CLSTN2: variants seen among roughly 807,000 people sequenced by gnomAD.
CLSTN2 encodes the protein calsyntenin 2.
Under a neutral mutation model 101.2 loss-of-function variants are expected in CLSTN2, and 48 were observed. The ratio of observed to expected loss-of-function variants is 0.47; its 90% CI spans 0.38 to 0.60. The LOEUF is 0.60. CLSTN2 is among the 20% of genes least tolerant of loss of function. The probability of loss-of-function intolerance (pLI) is 0.00; values close to 1 mark genes in which losing one functional copy is unlikely to be tolerated. For synonymous variants in CLSTN2, 481 were observed against 463.6 expected, an observed-to-expected ratio of 1.04 and a Z score of -0.48; for missense variants, 1,160 against 1,238.2, an observed-to-expected ratio of 0.94 and a Z score of 0.95.
intron 6 of CLSTN2, among the ~76,000 whole-genome samples, chr3:140,451,629 C>T (rs555546574): frequency 3.3e-5 from 5 of 152,296 alleles, no homozygotes; most frequent in South Asian, 2.1e-4. Context: ...GATGCAAATC[C>T]GATCCTGGGG....
At position 140,573,854 on chromosome 3, in the gene CLSTN2, C is replaced by G. The variant is rs1985645441; in HGVS notation, c.*7601C>G. ...CCTGTTTCTGGGGAACAGAAGGGAG[C>G]TGGTACCTCTGGACCATTGAGGCAA... is the stretch of plus-strand genomic sequence containing the variant. On this transcript the variant is annotated 3_prime_UTR_variant, in exon 17 of 17. Coordinates refer to ENST00000458420, the MANE Select transcript of CLSTN2 (RefSeq NM_022131.3). 1 of 152,278 alleles carries G rather than the reference C, an allele frequency of 6.6e-6. No homozygotes were observed. The allele number at this position is 152,278 out of a possible 1,614,324, so 9.4% of individuals were successfully genotyped here.
intron 2 of CLSTN2, among the ~76,000 whole-genome samples, chr3:140,184,530 C>G (rs1192971138): frequency 6.6e-6 from 1 of 152,140 alleles, no homozygotes; most frequent in East Asian, 1.9e-4. Flanking sequence ...CATTAGGTCC[C>G]TCCCTTGACC....
chr3:140,108,691 T>C (rs1204073021), intron 1 of CLSTN2, among the ~76,000 whole-genome samples: 3 of 152,176 alleles, frequency 2.0e-5, no homozygotes, highest in Non-Finnish European at 4.4e-5. Context: ...AGATGCAGCT[T>C]GTTTCATCTC....
chr3:140,188,052 C>G (rs907097089), intron 2 of CLSTN2, among the ~76,000 whole-genome samples: 4 of 152,152 alleles, frequency 2.6e-5, no homozygotes, highest in Non-Finnish European at 4.4e-5. Context: ...GTGGAGTGTA[C>G]TTGTCTATTT....
Position 140,546,645 on chromosome 3 carries a change from C to T in CLSTN2, c.1638C>T (p.Asp546=), listed in dbSNP as rs1428699627. 4 of 1,613,512 alleles carry T rather than the reference C, an allele frequency of 2.5e-6. No individual in the cohort carries two copies. Among genetic ancestry groups the T allele is most frequent in the Non-Finnish European group, 3.4e-6 (4 of 1,179,900 alleles). The part of the protein sequence containing the change: ...SCLQACKEGL[D]INSLESLGQG... ...TGCAGGCCTGCAAGGAAGGGCTGGA[C>T]ATTAATTCCTTGGAAAGCCTTGGCC... Residue 546 remains aspartate, a synonymous_variant, in exon 10 of 17, where the codon GAC becomes GAT. Coordinates refer to ENST00000458420, the MANE Select transcript of CLSTN2 (RefSeq NM_022131.3).
intron 1 of CLSTN2, among the ~76,000 whole-genome samples, chr3:140,036,085 C>T (rs1387228446): frequency 1.3e-5 from 2 of 152,318 alleles, no homozygotes; most frequent in East Asian, 3.9e-4. Context: ...TGATTAGAAC[C>T]TGTCTCTTCC....
At chr3:140,231,754 T>C (rs57792648) in intron 2 of CLSTN2, among the ~76,000 whole-genome samples, 3,706 of 152,306 alleles carry the variant, frequency 0.024, 151 homozygotes, top group African/African-American at 0.085. Flanking sequence ...TTTTAGATTG[T>C]TTTTGAATTG....
chr3:140,017,262 C>T (rs1247406222), intron 1 of CLSTN2, among the ~76,000 whole-genome samples: 1 of 152,146 alleles, frequency 6.6e-6, no homozygotes, highest in Non-Finnish European at 1.5e-5. Flanking sequence ...GGCACAGCCT[C>T]CTGTTTCAGC....
chr3:140,312,265 G>A (rs1040567208), intron 2 of CLSTN2, among the ~76,000 whole-genome samples: 1 of 152,208 alleles, frequency 6.6e-6, no homozygotes, highest in South Asian at 2.1e-4. Context: ...AAAACTAAGC[G>A]ACTTCTTCCC....
intron 1 of CLSTN2, among the ~76,000 whole-genome samples, chr3:140,008,015 T>C (rs1047314717): frequency 1.3e-5 from 2 of 152,198 alleles, no homozygotes; most frequent in Non-Finnish European, 2.9e-5. Context: ...CCAACAGTTA[T>C]TGAGTGAAGA....
intron 1 of CLSTN2, among the ~76,000 whole-genome samples, chr3:140,168,750 C>T (rs1334388385): frequency 2.0e-5 from 3 of 152,012 alleles, no homozygotes; most frequent in Non-Finnish European, 4.4e-5. Context: ...ATTTAATAAA[C>T]TATTCTCCTC....
chr3:140,241,706 G>T (rs1467928847), intron 2 of CLSTN2, among the ~76,000 whole-genome samples: 3 of 151,780 alleles, frequency 2.0e-5, no homozygotes, highest in Non-Finnish European at 4.4e-5. Flanking sequence ...AGTCCTTGGA[G>T]TGTTCCTGTG....
At chr3:140,325,770 A>G (rs2087326696) in intron 2 of CLSTN2, among the ~76,000 whole-genome samples, 1 of 152,124 alleles carries the variant, frequency 6.6e-6, no homozygotes, top group African/African-American at 2.4e-5. Context: ...AAAAGTTCTA[A>G]GTTGCTAGCC....
At chr3:140,004,983 G>A (rs891000353) in intron 1 of CLSTN2, among the ~76,000 whole-genome samples, 1 of 152,194 alleles carries the variant, frequency 6.6e-6, no homozygotes, top group African/African-American at 2.4e-5. Context: ...AACAAGTGCT[G>A]TTGCATTAGG....
At chr3:140,254,274 T>C (rs372427955) in intron 2 of CLSTN2, among the ~76,000 whole-genome samples, 1 of 152,294 alleles carries the variant, frequency 6.6e-6, no homozygotes, top group Admixed American at 6.5e-5. Context: ...GTGAGGGGAT[T>C]CTGCACCAGA....
intron 2 of CLSTN2, among the ~76,000 whole-genome samples, chr3:140,364,541 GT>G (rs1009418545): frequency 4.6e-5 from 7 of 152,146 alleles, no homozygotes; most frequent in Non-Finnish European, 8.8e-5. Flanking sequence ...AGGAGCAAGG[GT>G]ACCTATGTCC....
At chr3:140,270,898 A>G (rs555858035) in intron 2 of CLSTN2, among the ~76,000 whole-genome samples, 3 of 152,218 alleles carry the variant, frequency 2.0e-5, no homozygotes, top group East Asian at 1.9e-4. Context: ...CCCTATCATC[A>G]TGCTTCTCCA....
At chr3:140,340,759 G>A (rs943913296) in intron 2 of CLSTN2, among the ~76,000 whole-genome samples, 1 of 152,128 alleles carries the variant, frequency 6.6e-6, no homozygotes, top group African/African-American at 2.4e-5. Context: ...TTCTGATCCA[G>A]GGCCTCATTC....
chr3:140,391,994 G>A (rs2088119372), intron 2 of CLSTN2, among the ~76,000 whole-genome samples: 1 of 151,870 alleles, frequency 6.6e-6, no homozygotes, highest in Non-Finnish European at 1.5e-5. Context: ...TGTTTTAAGA[G>A]GGAACATTAT....
Sources: allele counts gnomAD v4.1 joint callset (sites outside exome capture counted in the v4.1 genomes callset), GRCh38; gene constraint gnomAD v4.1.1; transcripts MANE v1.5; gene names NCBI Gene and HGNC (gene_info 2026-07-23, HGNC 2026-07-21).